The following CYP27C1 variants were observed in gnomAD, a reference collection of about 807,000 sequenced individuals.
The protein encoded by CYP27C1 is cytochrome P450 27C1.
A neutral mutation model predicts 40.6 loss-of-function variants in CYP27C1; 29 were observed. That is an observed-to-expected ratio of 0.71 (90% CI 0.53 to 0.97). CYP27C1 has a LOEUF of 0.97. Among genes scored for constraint, CYP27C1 ranks in the 50% least tolerant of loss-of-function variants. The probability of loss-of-function intolerance (pLI) is 0.00; values close to 1 mark genes in which losing one functional copy is unlikely to be tolerated. For synonymous variants in CYP27C1, 198 were observed against 186.8 expected (o/e 1.06, Z -0.49); for missense variants, 390 against 485.8 (o/e 0.80, Z 1.85).
intron 5 of CYP27C1, among the ~76,000 whole-genome samples, chr2:127,197,870 C>T (rs532432470): frequency 3.9e-5 from 6 of 151,948 alleles, no homozygotes; most frequent in African/African-American, 9.7e-5. Context: ...TTATTCCCCC[C>T]GGACCATGCC....
chr2:127,211,414 G>A (rs1181345937), intron 1 of CYP27C1, among the ~76,000 whole-genome samples: 5 of 125,090 alleles, frequency 4.0e-5, no homozygotes, highest in East Asian at 2.2e-4. Context: ...ATGGAGTCTC[G>A]CTCTTTCACC....
rs1683295811 is a variant in CYP27C1, at chr2:127,209,468, T to C, written c.283-3378A>G. On this transcript the variant is annotated intron_variant, in intron 1 of 8. Transcript: ENST00000664447. This position sits in a 1 kb window ranked among gnomAD's most constrained non-coding sequence, Gnocchi z 4.1. ...TGAGTGCCTCTTCTCCTCCAAATAA[T>C]CACAATGTCTCTCCATCAAGAGCAC... 6.6e-6 allele frequency among the ~76,000 whole-genome samples: 1 copy of C among 152,128 alleles called. No homozygotes were observed. Among genetic ancestry groups the C allele is most frequent in the Non-Finnish European group, 1.5e-5 (1 of 68,034 alleles).
chr2:127,204,602 AAAGAAAGAAAGAAAGAAAGAAAG>A (rs1558931516), intron 2 of CYP27C1, among the ~76,000 whole-genome samples: 8 of 99,788 alleles, frequency 8.0e-5, no homozygotes, highest in East Asian at 6.8e-4. Context: ...AGAAAGAAAG[AAAGAAAGAAAGAAAGAAAGAAAG>A]AAGACTGCAG....
Position 127,196,995 on chromosome 2 carries a change from CTA to C in CYP27C1, c.1048-1496_1048-1495del, listed in dbSNP as rs1192395675. On this transcript the variant is annotated intron_variant, in intron 5 of 8. Coordinates refer to ENST00000664447, the MANE Select transcript of CYP27C1 (RefSeq NM_001367502.1). This position sits in a 1 kb window ranked among gnomAD's most constrained non-coding sequence, Gnocchi z 4.5. ...TAAGTTATACCGCAATAAAATCATA[CTA>C]ATTTTTAAAAATCAGTATGAAGTTG... 1.3e-5 allele frequency among the ~76,000 whole-genome samples: 2 copies of C among 152,154 alleles called. No individual in the cohort carries two copies. Among genetic ancestry groups the C allele is most frequent in the African/African-American group, 4.8e-5 (2 of 41,406 alleles).
In CYP27C1 at chr2:127,211,369, G is replaced by GTTTTTTTTTTTT. The variant is rs371826841; in HGVS notation, c.283-5291_283-5280dup. On this transcript the variant is annotated intron_variant, in intron 1 of 8. Transcript: ENST00000664447. The stretch of plus-strand genomic sequence containing the variant: ...GATACAGCTAAAGCAGTGTTTTTTT[G>GTTTTTTTTTTTT]TTTTTTTTTTTTTTTTTTTTTTTTT... 4.5e-4 allele frequency among the ~76,000 whole-genome samples: 43 copies of GTTTTTTTTTTTT among 94,970 alleles called. 2 individuals carry two copies. The highest frequency in any genetic ancestry group is 1.5e-3 in the African/African-American group (36 of 23,306). The allele number at this position is 94,970 out of a possible 152,430, so 62.3% of individuals were successfully genotyped here. A position where few individuals can be genotyped will look rare whatever the true frequency, so the allele number is the denominator to read the frequency against.
rs533650259 is a variant in CYP27C1, at chr2:127,195,423, C to T, written c.1126G>A (p.Val376Met). Residue 376 changes from valine (V) to methionine (M), a missense_variant, in exon 6 of 9, where the codon GTG (valine) becomes ATG (methionine). Transcript: ENST00000664447. This position sits in a 1 kb window ranked among gnomAD's most constrained non-coding sequence, Gnocchi z 6.2. ...ACATGCCTTTCCCCTAAATTCTTCA[C>T]AATCTCCCGGTACACCGTCTGCTGC... is the stretch of plus-strand genomic sequence containing the variant. ...EVQQTVYREI[V>M]KNLGERHVPT... 3.7e-6 allele frequency: 6 copies of T among 1,614,136 alleles called. No homozygotes were observed. In the African/African-American group the frequency reaches 6.7e-5, roughly 18 times the overall value.
Position 127,195,244 on chromosome 2 carries a change from C to T in CYP27C1, c.1214+91G>A. 1 of 1,535,766 alleles carries T rather than the reference C, an allele frequency of 6.5e-7. No homozygotes were observed. Among genetic ancestry groups the T allele is most frequent in the Non-Finnish European group, 8.9e-7 (1 of 1,122,396 alleles). On this transcript the variant is annotated intron_variant, in intron 6 of 8. Coordinates refer to ENST00000664447, the MANE Select transcript of CYP27C1 (RefSeq NM_001367502.1). The surrounding 1 kb of genome is among the most constrained non-coding windows in gnomAD (Gnocchi z 6.2). ...ACGAACATCCTCATCCTGAACAGGT[C>T]AGCCGGGGGGGCATTTGGAGGACTT...
rs11384285 is a variant in CYP27C1, at chr2:127,187,205, A to AC, written c.*65_*66insG. On this transcript the variant is annotated 3_prime_UTR_variant, in exon 9 of 9. Coordinates refer to ENST00000664447, the MANE Select transcript of CYP27C1 (RefSeq NM_001367502.1). ...CTTTCCTTCTCCACGGTGATCAGCG[A>AC]ACACAAATACCCACTGTGTGTCGGC... The AC allele has an allele frequency of 0.7, 910,457 of 1,309,128 alleles. 319,904 individuals carry two copies. The highest frequency in any genetic ancestry group is 0.9 in the African/African-American group (61,402 of 68,526). 81.1% of individuals were successfully genotyped at this position (1,309,128 alleles called of 1,614,324 possible).
chr2:127,188,552 A>G (rs1682690823), intron 8 of CYP27C1, among the ~76,000 whole-genome samples: 1 of 152,134 alleles, frequency 6.6e-6, no homozygotes, highest in South Asian at 2.1e-4. Context: ...ACACTATTGA[A>G]AGGAGAGGTA....
chr2:127,213,048 G>A (rs1176444629), intron 1 of CYP27C1, among the ~76,000 whole-genome samples: 7 of 152,126 alleles, frequency 4.6e-5, no homozygotes, highest in Admixed American at 4.6e-4. Flanking sequence ...GCCAAATCAT[G>A]AATGAACTCC....
In CYP27C1 at chr2:127,200,200, T is replaced by C. The variant is rs953037696; in HGVS notation, c.884-661A>G. 2.6e-5 allele frequency among the ~76,000 whole-genome samples: 4 copies of C among 152,270 alleles called. No individual in the cohort carries two copies. The highest frequency in any genetic ancestry group is 6.5e-5 in the Admixed American group (1 of 15,292). ...TCGCCATGTTGGCCAGGCTGGTCTT[T>C]AACTACTGACCTCAGGTGATCCTCC... On this transcript the variant is annotated intron_variant, in intron 4 of 8. Transcript: ENST00000664447. This position sits in a 1 kb window ranked among gnomAD's most constrained non-coding sequence, Gnocchi z 4.2.
In CYP27C1 at chr2:127,186,941, C is replaced by T; in HGVS notation, c.*330G>A. 1 of 199,358 alleles carries T rather than the reference C, an allele frequency of 5.0e-6. No homozygotes were observed. The highest frequency in any genetic ancestry group is 1.0e-5 in the Non-Finnish European group (1 of 98,294). 12.3% of individuals were successfully genotyped at this position (199,358 alleles called of 1,614,324 possible). A position where few individuals can be genotyped will look rare whatever the true frequency, so the allele number is the denominator to read the frequency against. ...TGAATTTGTAAGTAAACCACCATTTCCCTGTACAAGTAAATGCACAGGATA... is the reference window on the plus strand; with the variant it reads ...TGAATTTGTAAGTAAACCACCATTTTCCTGTACAAGTAAATGCACAGGATA... On this transcript the variant is annotated 3_prime_UTR_variant, in exon 9 of 9. Transcript: ENST00000664447. The surrounding 1 kb of genome is among the most constrained non-coding windows in gnomAD (Gnocchi z 4.5).
intron 3 of CYP27C1, among the ~76,000 whole-genome samples, chr2:127,203,169 G>GAA (rs11394846): frequency 3.7e-4 from 49 of 133,372 alleles, no homozygotes; most frequent in African/African-American, 4.5e-4. Context: ...CTTCATCTCA[G>GAA]AAAAAAAAAA....
At chr2:127,207,400 A>G (rs1683249088) in intron 1 of CYP27C1, among the ~76,000 whole-genome samples, 1 of 152,198 alleles carries the variant, frequency 6.6e-6, no homozygotes, top group African/African-American at 2.4e-5. Flanking sequence ...AGGCTGAGGC[A>G]GTAGAATCGC....
At chr2:127,211,254 G>A (rs192940888) in intron 1 of CYP27C1, among the ~76,000 whole-genome samples, 7 of 151,774 alleles carry the variant, frequency 4.6e-5, no homozygotes, top group African/African-American at 1.5e-4. Context: ...GCTCCTGAAC[G>A]ACTCCTGGGT....
rs1395191970 is a variant in CYP27C1, at chr2:127,187,012, A to C, written c.*259T>G. On this transcript the variant is annotated 3_prime_UTR_variant, in exon 9 of 9. Coordinates refer to ENST00000664447, the MANE Select transcript of CYP27C1 (RefSeq NM_001367502.1). ...AGTCTAGCACAATGTATGAAGCATA[A>C]AAATTCACTGCCACTGGTTTTTAAA... 2.2e-6 allele frequency: 1 copy of C among 447,302 alleles called. No homozygotes were observed. Among genetic ancestry groups the C allele is most frequent in the Admixed American group, 3.5e-5 (1 of 28,184 alleles). The allele number at this position is 447,302 out of a possible 1,614,324, so 27.7% of individuals were successfully genotyped here.
chr2:127,198,895 G>A (rs1464890601), intron 5 of CYP27C1, among the ~76,000 whole-genome samples: 2 of 152,204 alleles, frequency 1.3e-5, no homozygotes, highest in African/African-American at 2.4e-5. Context: ...TAAGTGAGGC[G>A]TGACTGCATA....
At position 127,195,315 on chromosome 2, in the gene CYP27C1, G is replaced by A; in HGVS notation, c.1214+20C>T. 9.9e-6 allele frequency: 16 copies of A among 1,613,950 alleles called. No individual in the cohort carries two copies. Among genetic ancestry groups the A allele is most frequent in the Non-Finnish European group, 1.3e-5 (15 of 1,179,908 alleles). ...ACCTAAGGGACACAGTTTGTTGACGGATTCTGGCGAGCCTTTTACCTCAGG... is the reference window on the plus strand; with the variant it reads ...ACCTAAGGGACACAGTTTGTTGACGAATTCTGGCGAGCCTTTTACCTCAGG... On this transcript the variant is annotated intron_variant, in intron 6 of 8. Coordinates refer to ENST00000664447, the MANE Select transcript of CYP27C1 (RefSeq NM_001367502.1). This position sits in a 1 kb window ranked among gnomAD's most constrained non-coding sequence, Gnocchi z 6.2.
At position 127,186,241 on chromosome 2, in the gene CYP27C1, CTTTTT is replaced by C. The variant is rs1345552827; in HGVS notation, c.*1025_*1029del. 6.6e-6 allele frequency: 1 copy of C among 151,120 alleles called. No homozygotes were observed. Among genetic ancestry groups the C allele is most frequent in the Non-Finnish European group, 1.5e-5 (1 of 67,736 alleles). The allele number at this position is 151,120 out of a possible 1,614,324, so 9.4% of individuals were successfully genotyped here. The stretch of plus-strand genomic sequence containing the variant: ...TATTCTTGATTTCACCAGGAGCTTT[CTTTTT>C]TATTTATTTATTATTTATTTATTAT... On this transcript the variant is annotated 3_prime_UTR_variant, in exon 9 of 9. Transcript: ENST00000664447. This position sits in a 1 kb window ranked among gnomAD's most constrained non-coding sequence, Gnocchi z 4.5.
Sources: gnomAD v4.1 joint callset for allele counts (sites outside exome capture counted in the v4.1 genomes callset) on GRCh38, gnomAD v4.1.1 for gene constraint, Gnocchi (gnomAD v3.1) non-coding constraint, MANE v1.5 for transcripts, NCBI Gene and HGNC (gene_info 2026-07-23, HGNC 2026-07-21) for gene names.